Variants in GIPC2 observed in about 807,000 individuals in gnomAD.
GIPC2 encodes the protein GIPC PDZ domain containing family member 2.
A neutral mutation model predicts 30.6 loss-of-function variants in GIPC2; 30 were observed. That is an observed-to-expected ratio of 0.98 (90% CI 0.73 to 1.33). The LOEUF is 1.33. Among genes scored for constraint, GIPC2 ranks in the 40% most tolerant of loss-of-function variants. The pLI, the probability that GIPC2 is intolerant of heterozygous loss-of-function variation, is 0.00. For synonymous variants in GIPC2, 167 were observed against 150.0 expected (o/e 1.11, Z -0.83); for missense variants, 414 against 390.3 (o/e 1.06, Z -0.51).
intron 3 of GIPC2, among the ~76,000 whole-genome samples, chr1:78,114,285 G>A (rs1246032814): frequency 2.0e-5 from 3 of 152,164 alleles, no homozygotes; most frequent in Admixed American, 6.5e-5. Context: ...GTGCAGATCC[G>A]TTCATGTGAA....
At chr1:78,078,187 CAA>C (rs10694093) in intron 1 of GIPC2, among the ~76,000 whole-genome samples, 11 of 65,086 alleles carry the variant, frequency 1.7e-4, no homozygotes, top group Admixed American at 2.1e-4. Context: ...GACTCCATCT[CAA>C]AAAAAAAAAA....
chr1:78,079,424 G>C (rs1661785295), intron 1 of GIPC2, among the ~76,000 whole-genome samples: 1 of 152,202 alleles, frequency 6.6e-6, no homozygotes, highest in Admixed American at 6.5e-5. Flanking sequence ...TCAGTAAGTA[G>C]TAAATGCACC....
rs3838409 is a variant in GIPC2 at position 78,135,781 on chromosome 1, C to CT, written c.*46dup. On this transcript the variant is annotated 3_prime_UTR_variant, in exon 6 of 6. Coordinates refer to ENST00000370759, the MANE Select transcript of GIPC2 (RefSeq NM_017655.6). ...ATCTCTGAAGAAACAACCCATCGTT[C>CT]TTTTTTTTCTCTTTTTTAAAAAGTC... is the stretch of plus-strand genomic sequence containing the variant. 0.25 allele frequency: 385,000 copies of CT among 1,537,712 alleles called. 53,308 individuals are homozygous for CT. Among genetic ancestry groups the CT allele is most frequent in the East Asian group, 0.75 (31,405 of 41,978 alleles).
chr1:78,093,100 T>A (rs957481470), intron 2 of GIPC2, among the ~76,000 whole-genome samples: 5 of 151,822 alleles, frequency 3.3e-5, no homozygotes, highest in African/African-American at 1.2e-4. Context: ...GTTGACCAAA[T>A]AAAAAAATAA....
At chr1:78,106,839 A>C (rs908214241) in intron 3 of GIPC2, among the ~76,000 whole-genome samples, 3 of 150,358 alleles carry the variant, frequency 2.0e-5, no homozygotes. Flanking sequence ...TACCACCATG[A>C]CTAATTTTGT....
At chr1:78,081,723 A>C (rs962232872) in intron 2 of GIPC2, among the ~76,000 whole-genome samples, 1 of 152,062 alleles carries the variant, frequency 6.6e-6, no homozygotes, top group African/African-American at 2.4e-5. Flanking sequence ...AAAAATAACA[A>C]CTCTATTATT....
At chr1:78,107,092 C>T (rs1662368466) in intron 3 of GIPC2, among the ~76,000 whole-genome samples, 1 of 146,202 alleles carries the variant, frequency 6.8e-6, no homozygotes. Flanking sequence ...CTCCCTCCCT[C>T]TTTCCCTCCC....
At chr1:78,124,283 T>C (rs1662741828) in intron 4 of GIPC2, among the ~76,000 whole-genome samples, 1 of 152,212 alleles carries the variant, frequency 6.6e-6, no homozygotes, top group Non-Finnish European at 1.5e-5. Context: ...AATGTTTTGG[T>C]ACCATTAATA....
At chr1:78,090,045 A>G (rs1405738356) in intron 2 of GIPC2, among the ~76,000 whole-genome samples, 4 of 152,224 alleles carry the variant, frequency 2.6e-5, no homozygotes, top group Non-Finnish European at 4.4e-5. Context: ...TCAAAAAGGT[A>G]AAAACCATTC....
At chr1:78,053,348 C>A (rs1413294493) in intron 1 of GIPC2, among the ~76,000 whole-genome samples, 1 of 152,144 alleles carries the variant, frequency 6.6e-6, no homozygotes, top group Non-Finnish European at 1.5e-5. Context: ...CCTGACAGCA[C>A]CCTATCCAGA....
chr1:78,110,000 A>C (rs1359688829), intron 3 of GIPC2, among the ~76,000 whole-genome samples: 1 of 152,048 alleles, frequency 6.6e-6, no homozygotes, highest in Non-Finnish European at 1.5e-5. Flanking sequence ...GAACCCATGG[A>C]CACAGGAAGG....
At chr1:78,075,465 AAG>A (rs1281199677) in intron 1 of GIPC2, among the ~76,000 whole-genome samples, 1 of 152,138 alleles carries the variant, frequency 6.6e-6, no homozygotes, top group Non-Finnish European at 1.5e-5. Flanking sequence ...CAAAATAAAT[AAG>A]AGGTAGAGTG....
intron 1 of GIPC2, among the ~76,000 whole-genome samples, chr1:78,047,816 G>A (rs1197281897): frequency 6.6e-6 from 1 of 152,222 alleles, no homozygotes; most frequent in Non-Finnish European, 1.5e-5. Flanking sequence ...ATACCTAACA[G>A]TTAAATGAAG....
chr1:78,045,219 C>T (rs1661045519), upstream of GIPC2: 1 of 266,004 alleles, frequency 3.8e-6, no homozygotes, highest in Non-Finnish European at 5.8e-6. Context: ...GATCACAGTG[C>T]TTCTAAGAGC....
rs1350061345 is a variant in GIPC2 at position 78,136,323 on chromosome 1, G to T, written c.*580G>T. On this transcript the variant is annotated 3_prime_UTR_variant, in exon 6 of 6. Coordinates refer to ENST00000370759, the MANE Select transcript of GIPC2 (RefSeq NM_017655.6). ...CAACTTTCTCTCTTTGTAAAACAAA[G>T]ATTGATTGATTTTCTTGTATGCTTC... 1 of 152,070 alleles carries T rather than the reference G, an allele frequency of 6.6e-6. No individual in the cohort carries two copies. Among genetic ancestry groups the T allele is most frequent in the Non-Finnish European group, 1.5e-5 (1 of 68,008 alleles). The allele number at this position is 152,070 out of a possible 1,614,324, so 9.4% of individuals were successfully genotyped here.
At chr1:78,094,901 A>G in intron 2 of GIPC2, 51 bp from the exon 3 acceptor site, 2 of 1,286,986 alleles carry the variant, frequency 1.6e-6, no homozygotes, top group African/African-American at 1.5e-5. Flanking sequence ...AGATTGGTGC[A>G]TTCATTACAC....
chr1:78,135,811 A>AAC lies in GIPC2; in HGVS notation c.*69_*70insCA. ...TTTTCTCTTTTTTAAAAAGTCCTAT[A>AAC]AGATCTGTTTTTGGACACCTTTACT... On this transcript the variant is annotated 3_prime_UTR_variant, in exon 6 of 6. Transcript: ENST00000370759. 7.4e-7 allele frequency: 1 copy of AAC among 1,349,976 alleles called. No homozygotes were observed. The highest frequency in any genetic ancestry group is 1.0e-6 in the Non-Finnish European group (1 of 967,828). 83.6% of individuals were successfully genotyped at this position (1,349,976 alleles called of 1,614,324 possible).
chr1:78,048,089 C>T (rs80235181), intron 1 of GIPC2, among the ~76,000 whole-genome samples: 2,522 of 152,268 alleles, frequency 0.017, 86 homozygotes, highest in African/African-American at 0.058. Flanking sequence ...TAAGATTTTT[C>T]CACTTTATGG....
chr1:78,048,665 G>T (rs1661141698), intron 1 of GIPC2, among the ~76,000 whole-genome samples: 1 of 152,068 alleles, frequency 6.6e-6, no homozygotes, highest in South Asian at 2.1e-4. Flanking sequence ...CTACTCTCAA[G>T]TGATCCTCCT....
Sources: gnomAD v4.1 joint callset for allele counts (sites outside exome capture counted in the v4.1 genomes callset) on GRCh38, gnomAD v4.1.1 for gene constraint, MANE v1.5 for transcripts, NCBI Gene and HGNC (gene_info 2026-07-23, HGNC 2026-07-21) for gene names.